Variants in FCHO2 observed in about 807,000 individuals in gnomAD.
FCHO2 encodes the protein F-BAR domain only protein 2.
Under a neutral mutation model 114.1 loss-of-function variants are expected in FCHO2, and 43 were observed. That is an observed-to-expected ratio of 0.38 (90% CI 0.30 to 0.49). The LOEUF is 0.49. Among genes scored for constraint, FCHO2 ranks in the 20% least tolerant of loss-of-function variants. The pLI is 0.97. For missense variants in FCHO2, 807 were observed against 950.4 expected (o/e 0.85, Z 1.98); for synonymous variants, 293 against 315.2 (o/e 0.93, Z 0.75).
intron 2 of FCHO2, among the ~76,000 whole-genome samples, chr5:72,969,032 T>C (rs1348990839): frequency 1.3e-5 from 2 of 152,192 alleles, no homozygotes; most frequent in African/African-American, 4.8e-5. Context: ...ATTTATAAAA[T>C]GTGATTGTTG....
At chr5:73,012,894 A>G (rs916529867) in intron 6 of FCHO2, among the ~76,000 whole-genome samples, 5 of 152,206 alleles carry the variant, frequency 3.3e-5, no homozygotes, top group African/African-American at 9.6e-5. Flanking sequence ...CTGTGGATTC[A>G]TATTTTAAGA....
intron 1 of FCHO2, among the ~76,000 whole-genome samples, chr5:72,965,708 G>A (rs1048724741): frequency 2.0e-5 from 3 of 152,172 alleles, no homozygotes; most frequent in African/African-American, 4.8e-5. Context: ...AAATCTTTAG[G>A]ATTAGTAAAA....
intron 2 of FCHO2, among the ~76,000 whole-genome samples, chr5:72,986,874 CTTTTTTTTTTCT>C (rs1363520730): frequency 2.6e-4 from 38 of 146,108 alleles, no homozygotes; most frequent in African/African-American, 8.4e-4. Flanking sequence ...CTTTTTCTTT[CTTTTTTTTTTCT>C]TTTTTTTTTT....
chr5:73,061,542 T>G (rs1184590768), intron 17 of FCHO2, among the ~76,000 whole-genome samples: 1 of 152,088 alleles, frequency 6.6e-6, no homozygotes, highest in Non-Finnish European at 1.5e-5. Flanking sequence ...GGGTGTGTGA[T>G]AATTGAAAAT....
chr5:72,981,844 G>C (rs748833641), intron 2 of FCHO2, among the ~76,000 whole-genome samples: 35 of 152,044 alleles, frequency 2.3e-4, no homozygotes, highest in Non-Finnish European at 4.0e-4. Context: ...TTAGCAATTC[G>C]TCTAACCTTT....
chr5:72,992,716 T>C (rs1458123072), intron 5 of FCHO2, among the ~76,000 whole-genome samples: 2 of 152,184 alleles, frequency 1.3e-5, no homozygotes, highest in Non-Finnish European at 2.9e-5. Flanking sequence ...CAAGGAATCA[T>C]TTCATGACTA....
intron 18 of FCHO2, among the ~76,000 whole-genome samples, chr5:73,066,919 AT>A (rs1742368470): frequency 6.6e-6 from 1 of 152,084 alleles, no homozygotes; most frequent in African/African-American, 2.4e-5. Flanking sequence ...CAATAGAAAT[AT>A]AATATAAGCA....
At chr5:73,045,478 A>G (rs1007542993) in intron 11 of FCHO2, among the ~76,000 whole-genome samples, 5 of 152,202 alleles carry the variant, frequency 3.3e-5, no homozygotes, top group Non-Finnish European at 7.4e-5. Flanking sequence ...TGGATGTACT[A>G]AAGTTTGTTT....
chr5:73,044,859 A>G (rs1430497136), intron 11 of FCHO2, among the ~76,000 whole-genome samples: 1 of 152,126 alleles, frequency 6.6e-6, no homozygotes, highest in Non-Finnish European at 1.5e-5. Context: ...TGCCTGTTCT[A>G]TTCTTGTTCA....
At chr5:73,028,938 GCC>G (rs1269139328) in intron 8 of FCHO2, among the ~76,000 whole-genome samples, 1 of 152,012 alleles carries the variant, frequency 6.6e-6, no homozygotes, top group Non-Finnish European at 1.5e-5. Context: ...GAGCCACCGT[GCC>G]CAGCCCATAC....
intron 2 of FCHO2, among the ~76,000 whole-genome samples, chr5:72,973,594 T>C (rs1174760133): frequency 2.0e-5 from 3 of 151,048 alleles, no homozygotes; most frequent in African/African-American, 7.3e-5. Context: ...CTTCTCTCTT[T>C]TTTTCTTTAT....
At chr5:73,051,856 T>G (rs921319368) in intron 12 of FCHO2, among the ~76,000 whole-genome samples, 4 of 151,760 alleles carry the variant, frequency 2.6e-5, no homozygotes, top group Non-Finnish European at 5.9e-5. Flanking sequence ...AGGTGTGAGC[T>G]AACCCGACTG....
chr5:73,027,960 G>A (rs933492365), intron 8 of FCHO2, among the ~76,000 whole-genome samples: 3 of 152,134 alleles, frequency 2.0e-5, no homozygotes, highest in African/African-American at 7.2e-5. Flanking sequence ...CACTTTAGGA[G>A]GCCAAGATGT....
chr5:73,023,424 G>C (rs1755737868), intron 8 of FCHO2, among the ~76,000 whole-genome samples: 2 of 152,122 alleles, frequency 1.3e-5, no homozygotes, highest in African/African-American at 4.8e-5. Flanking sequence ...GTCCAAGGCT[G>C]GGCATAGTGG....
At position 73,008,917 on chromosome 5, in the gene FCHO2, G is replaced by T. The variant is rs556305424; in HGVS notation, c.600+2368G>T. Among the ~76,000 whole-genome samples, 2 of 152,048 alleles carry T rather than the reference G, an allele frequency of 1.3e-5. 1 individual carries two copies. Among genetic ancestry groups the T allele is most frequent in the South Asian group, 4.1e-4 (2 of 4,824 alleles). ...GGGAAGAAAAGGAATTCCAAAACTC[G>T]CCTGGTCCCAAAAGTTTTGAATAAG... On this transcript the variant is annotated intron_variant, in intron 6 of 25. Coordinates refer to ENST00000430046, the MANE Select transcript of FCHO2 (RefSeq NM_138782.3).
intron 8 of FCHO2, chr5:73,020,761 T>A (rs1367595778): frequency 9.0e-7 from 1 of 1,106,456 alleles, no homozygotes; most frequent in Non-Finnish European, 1.4e-6. Flanking sequence ...CTTAACAAAT[T>A]CTGTGAGAGA....
intron 13 of FCHO2, 22 bp from the exon 14 acceptor site, chr5:73,054,138 T>C (rs1284181967): frequency 1.3e-6 from 2 of 1,485,144 alleles, no homozygotes; most frequent in Non-Finnish European, 1.8e-6. Context: ...CCTAATTTTC[T>C]TTTTCTTCCA....
At chr5:73,017,538 A>G (rs1028226152) in intron 8 of FCHO2, among the ~76,000 whole-genome samples, 25 of 152,124 alleles carry the variant, frequency 1.6e-4, no homozygotes, top group Non-Finnish European at 2.6e-4. Context: ...ATACATTAAG[A>G]TTTTTGTTTT....
intron 15 of FCHO2, among the ~76,000 whole-genome samples, chr5:73,055,319 A>G (rs1014377725): frequency 6.6e-6 from 1 of 152,166 alleles, no homozygotes; most frequent in East Asian, 1.9e-4. Flanking sequence ...ACAACCAACC[A>G]AACTGAGCCA....
Sources: gnomAD v4.1 joint callset for allele counts (sites outside exome capture counted in the v4.1 genomes callset) on GRCh38, gnomAD v4.1.1 for gene constraint, MANE v1.5 for transcripts, NCBI Gene and HGNC (gene_info 2026-07-23, HGNC 2026-07-21) for gene names.